The following COL25A1 variants were observed in gnomAD, a reference collection of about 807,000 sequenced individuals.
COL25A1 encodes the protein collagen type XXV alpha 1 chain.
Under a neutral mutation model 128.4 loss-of-function variants are expected in COL25A1, and 103 were observed. The ratio of observed to expected loss-of-function variants is 0.80; its 90% CI spans 0.68 to 0.94. The LOEUF is 0.94. Ranked by LOEUF, COL25A1 falls within the 40% of genes least tolerant of loss-of-function variation. The pLI, the probability that COL25A1 is intolerant of heterozygous loss-of-function variation, is 0.00. For missense variants in COL25A1, 745 were observed against 840.0 expected (o/e 0.89, Z 1.40); for synonymous variants, 279 against 277.2 (o/e 1.01, Z -0.06).
At chr4:109,038,426 GCATGACCA>G (rs1759558480) in intron 5 of COL25A1, among the ~76,000 whole-genome samples, 1 of 152,102 alleles carries the variant, frequency 6.6e-6, no homozygotes, top group African/African-American at 2.4e-5. Flanking sequence ...TCCCACAACC[GCATGACCA>G]ATTCCATAAA....
chr4:109,056,069 T>C (rs1285675435), intron 3 of COL25A1, among the ~76,000 whole-genome samples: 1 of 152,192 alleles, frequency 6.6e-6, no homozygotes, highest in East Asian at 1.9e-4. Context: ...AATTTCAGCT[T>C]ACAATAGCCA....
At chr4:108,870,806 T>C (rs954403972) in intron 19 of COL25A1, among the ~76,000 whole-genome samples, 6 of 152,198 alleles carry the variant, frequency 3.9e-5, no homozygotes, top group Non-Finnish European at 8.8e-5. Context: ...ATGTGTATCA[T>C]TGGTAACAAC....
intron 6 of COL25A1, among the ~76,000 whole-genome samples, chr4:108,991,131 C>G (rs570917254): frequency 2.7e-4 from 41 of 152,158 alleles, no homozygotes; most frequent in Non-Finnish European, 5.1e-4. Flanking sequence ...GGAGTGATAA[C>G]AGCTTCCACA....
chr4:109,127,698 G>A (rs1437403900), intron 3 of COL25A1, among the ~76,000 whole-genome samples: 2 of 152,076 alleles, frequency 1.3e-5, no homozygotes, highest in African/African-American at 4.8e-5. Context: ...AACCAAACTC[G>A]AGGGGCTAAG....
intron 5 of COL25A1, among the ~76,000 whole-genome samples, chr4:109,036,479 T>C (rs893089004): frequency 1.3e-5 from 2 of 152,144 alleles, no homozygotes; most frequent in Non-Finnish European, 2.9e-5. Context: ...TTTCCAGACA[T>C]GAAGATTCAA....
chr4:109,268,990 G>C (rs201285526), intron 3 of COL25A1, among the ~76,000 whole-genome samples: 4 of 151,260 alleles, frequency 2.6e-5, no homozygotes, highest in Admixed American at 1.3e-4. Flanking sequence ...GTGCAGGTTA[G>C]TTACATACGT....
At chr4:109,193,371 G>A (rs553588983) in intron 3 of COL25A1, among the ~76,000 whole-genome samples, 2 of 152,272 alleles carry the variant, frequency 1.3e-5, no homozygotes, top group East Asian at 3.9e-4. Flanking sequence ...TTGTTAGTGT[G>A]GGAATACTTC....
intron 3 of COL25A1, among the ~76,000 whole-genome samples, chr4:109,212,717 T>C (rs1168462652): frequency 6.6e-6 from 1 of 152,142 alleles, no homozygotes; most frequent in Non-Finnish European, 1.5e-5. Context: ...AAATGAGATG[T>C]ATATGAGGAT....
chr4:108,903,684 T>C (rs1315194461), intron 13 of COL25A1, among the ~76,000 whole-genome samples: 2 of 152,020 alleles, frequency 1.3e-5, no homozygotes, highest in African/African-American at 4.8e-5. Flanking sequence ...TCTAAAAGAG[T>C]TCTGAGTTTT....
At chr4:109,248,079 ACC>A (rs1270776099) in intron 3 of COL25A1, among the ~76,000 whole-genome samples, 2 of 152,070 alleles carry the variant, frequency 1.3e-5, no homozygotes, top group East Asian at 3.9e-4. Context: ...AGAATATTTT[ACC>A]TTCTACGCAT....
intron 6 of COL25A1, among the ~76,000 whole-genome samples, chr4:108,988,616 C>T (rs1403965817): frequency 6.6e-6 from 1 of 152,216 alleles, no homozygotes; most frequent in East Asian, 1.9e-4. Context: ...CTGTTTCCCT[C>T]CTCCCTGTGA....
intron 3 of COL25A1, among the ~76,000 whole-genome samples, chr4:109,202,885 G>A (rs145847741): frequency 6.6e-6 from 1 of 152,040 alleles, no homozygotes; most frequent in Non-Finnish European, 1.5e-5. Context: ...TGGCGAGAGG[G>A]ATATCTACAT....
intron 3 of COL25A1, among the ~76,000 whole-genome samples, chr4:109,102,218 T>G (rs1245215774): frequency 6.6e-6 from 1 of 152,162 alleles, no homozygotes; most frequent in Non-Finnish European, 1.5e-5. Flanking sequence ...TGTATAAAAC[T>G]ATAAATTTTA....
intron 5 of COL25A1, among the ~76,000 whole-genome samples, chr4:109,017,750 A>C (rs1482008449): frequency 6.6e-6 from 1 of 152,204 alleles, no homozygotes; most frequent in East Asian, 1.9e-4. Context: ...ATTTTAAATA[A>C]AAAACTTCCA....
At chr4:109,058,300 AG>A (rs1761632368) in intron 3 of COL25A1, among the ~76,000 whole-genome samples, 1 of 152,110 alleles carries the variant, frequency 6.6e-6, no homozygotes, top group Non-Finnish European at 1.5e-5. Flanking sequence ...CTTGTGGGGA[AG>A]GGGGCTGCAA....
At chr4:109,298,088 T>C (rs1401176243) in intron 3 of COL25A1, among the ~76,000 whole-genome samples, 1 of 151,980 alleles carries the variant, frequency 6.6e-6, no homozygotes, top group East Asian at 1.9e-4. Flanking sequence ...CCATGTTAAG[T>C]TAATCATCTT....
At chr4:109,064,046 C>G (rs1053153574) in intron 3 of COL25A1, among the ~76,000 whole-genome samples, 1 of 152,082 alleles carries the variant, frequency 6.6e-6, no homozygotes, top group African/African-American at 2.4e-5. Context: ...AAGTTGGAGG[C>G]TTAATTGGAT....
chr4:109,297,065 C>A (rs1725047520), intron 3 of COL25A1, among the ~76,000 whole-genome samples: 1 of 152,008 alleles, frequency 6.6e-6, no homozygotes, highest in East Asian at 1.9e-4. Context: ...TACTGCTAAA[C>A]CAAATATTCT....
At chr4:109,098,330 T>G (rs1228848565) in intron 3 of COL25A1, among the ~76,000 whole-genome samples, 1 of 152,140 alleles carries the variant, frequency 6.6e-6, no homozygotes, top group Non-Finnish European at 1.5e-5. Flanking sequence ...TTAGAGGTGT[T>G]CTGAAATATA....
Sources: gnomAD v4.1 joint callset for allele counts (sites outside exome capture counted in the v4.1 genomes callset) on GRCh38, gnomAD v4.1.1 for gene constraint, MANE v1.5 for transcripts, NCBI Gene and HGNC (gene_info 2026-07-23, HGNC 2026-07-21) for gene names.